The following DOCK3 variants were observed in gnomAD, a reference collection of about 807,000 sequenced individuals.
DOCK3 encodes the protein dedicator of cytokinesis 3.
In DOCK3, 60 loss-of-function variants were observed where a neutral mutation model predicts 265.6. That is an observed-to-expected ratio of 0.23 (90% CI 0.18 to 0.28). The LOEUF (loss-of-function observed/expected upper bound fraction) is 0.28. Among genes scored for constraint, DOCK3 ranks in the 10% least tolerant of loss-of-function variants. DOCK3 has a pLI of 1.00. For synonymous variants in DOCK3, 881 were observed against 938.0 expected (o/e 0.94, Z 1.11); for missense variants, 1,981 against 2,594.3 (o/e 0.76, Z 5.14).
chr3:51,229,429 C>G (rs914851533), intron 18 of DOCK3, 83 bp from the exon 19 acceptor site: 3 of 997,068 alleles, frequency 3.0e-6, no homozygotes, highest in Non-Finnish European at 4.2e-6. Flanking sequence ...CCAGCCTGGG[C>G]AACAGAGTGA....
At chr3:51,038,333 GA>G (rs34883908) in intron 5 of DOCK3, among the ~76,000 whole-genome samples, 1 of 152,012 alleles carries the variant, frequency 6.6e-6, no homozygotes, top group Non-Finnish European at 1.5e-5. Context: ...GATTGGGTGA[GA>G]AAAAAGTAAA....
At chr3:50,962,811 C>T (rs1028217156) in intron 5 of DOCK3, among the ~76,000 whole-genome samples, 1 of 152,148 alleles carries the variant, frequency 6.6e-6, no homozygotes, top group Non-Finnish European at 1.5e-5. Context: ...CCATATGCAG[C>T]GTATGTAAAT....
chr3:51,193,042 T>C (rs2088044748), intron 12 of DOCK3, among the ~76,000 whole-genome samples: 1 of 152,186 alleles, frequency 6.6e-6, no homozygotes, highest in Non-Finnish European at 1.5e-5. Flanking sequence ...AGTGTGATGG[T>C]AGTTATGGGT....
At chr3:51,202,632 A>C (rs1236887099) in intron 12 of DOCK3, among the ~76,000 whole-genome samples, 2 of 152,184 alleles carry the variant, frequency 1.3e-5, no homozygotes, top group African/African-American at 4.8e-5. Flanking sequence ...TATTCCAAAC[A>C]ATAGAAAAAG....
At chr3:51,355,500 A>G (rs1451439622) in intron 41 of DOCK3, among the ~76,000 whole-genome samples, 1 of 152,160 alleles carries the variant, frequency 6.6e-6, no homozygotes, top group Non-Finnish European at 1.5e-5. Context: ...GCAGGAGAAG[A>G]TGAGGAGTTC....
chr3:51,334,189 C>A (rs530627687), intron 35 of DOCK3, among the ~76,000 whole-genome samples: 2 of 152,154 alleles, frequency 1.3e-5, no homozygotes, highest in Non-Finnish European at 2.9e-5. Context: ...TCAGTTGTAT[C>A]ATGGCTTTTG....
At chr3:51,307,850 T>A (rs1042568772) in intron 27 of DOCK3, among the ~76,000 whole-genome samples, 1 of 151,818 alleles carries the variant, frequency 6.6e-6, no homozygotes, top group African/African-American at 2.4e-5. Context: ...CATGGCTGCT[T>A]CATGCAGCTG....
intron 27 of DOCK3, among the ~76,000 whole-genome samples, chr3:51,297,521 T>C (rs1292547918): frequency 1.3e-5 from 2 of 152,080 alleles, no homozygotes; most frequent in African/African-American, 2.4e-5. Flanking sequence ...GGGCAAAAGA[T>C]TTGAATAGAC....
chr3:50,725,737 G>A (rs555969116), intron 1 of DOCK3, among the ~76,000 whole-genome samples: 58 of 152,180 alleles, frequency 3.8e-4, no homozygotes, highest in Non-Finnish European at 7.8e-4. Flanking sequence ...TGTGGACTTT[G>A]TCTCAAATAA....
At chr3:51,201,538 T>C (rs1349862366) in intron 12 of DOCK3, among the ~76,000 whole-genome samples, 4 of 152,170 alleles carry the variant, frequency 2.6e-5, no homozygotes, top group Admixed American at 6.5e-5. Flanking sequence ...CTGAGTGACC[T>C]ACAAAGAGAC....
intron 1 of DOCK3, among the ~76,000 whole-genome samples, chr3:50,698,517 G>GTTTTTTTTTTTTTTTTTTGTTTT (rs2035799262): frequency 1.0e-4 from 2 of 19,506 alleles, no homozygotes; most frequent in African/African-American, 3.0e-4. Context: ...TATGTTTTTG[G>GTTTTTTTTTTTTTTTTTTGTTTT]TTTTTTTTTT....
chr3:50,779,476 C>T (rs955447613), intron 2 of DOCK3, among the ~76,000 whole-genome samples: 14 of 152,078 alleles, frequency 9.2e-5, no homozygotes, highest in Non-Finnish European at 1.5e-4. Flanking sequence ...CTCTGCCTCC[C>T]AGGTTCAAGT....
At chr3:51,252,277 G>C (rs1199334618) in intron 22 of DOCK3, among the ~76,000 whole-genome samples, 1 of 152,236 alleles carries the variant, frequency 6.6e-6, no homozygotes, top group East Asian at 1.9e-4. Context: ...TTGTAGTATA[G>C]TTTGAAGTCA....
chr3:51,321,712 C>G (rs758482225), intron 32 of DOCK3, among the ~76,000 whole-genome samples: 1 of 151,442 alleles, frequency 6.6e-6, no homozygotes, highest in South Asian at 2.1e-4. Context: ...ATTGATCAAG[C>G]GGAAGAAAGA....
At chr3:51,253,572 T>C (rs183998293) in intron 22 of DOCK3, among the ~76,000 whole-genome samples, 1 of 152,334 alleles carries the variant, frequency 6.6e-6, no homozygotes, top group Non-Finnish European at 1.5e-5. Flanking sequence ...GGGATTCAAC[T>C]TCTTCCTGGT....
intron 27 of DOCK3, among the ~76,000 whole-genome samples, chr3:51,305,462 T>C (rs1049672978): frequency 8.5e-5 from 13 of 152,230 alleles, no homozygotes; most frequent in African/African-American, 2.9e-4. Flanking sequence ...ATCTAAAGTG[T>C]GTACCTTGTA....
chr3:50,689,736 C>T (rs545821129), intron 1 of DOCK3, among the ~76,000 whole-genome samples: 7 of 152,308 alleles, frequency 4.6e-5, no homozygotes, highest in South Asian at 4.1e-4. Flanking sequence ...TGACAGGAGG[C>T]GGAGCTCAGG....
chr3:51,121,753 G>T (rs1349702525), intron 9 of DOCK3, among the ~76,000 whole-genome samples: 1 of 152,132 alleles, frequency 6.6e-6, no homozygotes, highest in Non-Finnish European at 1.5e-5. Context: ...TCTAGAGCAT[G>T]TACCAAACCC....
chr3:50,870,484 T>C (rs1267310864), intron 3 of DOCK3, among the ~76,000 whole-genome samples: 1 of 152,196 alleles, frequency 6.6e-6, no homozygotes, highest in Admixed American at 6.5e-5. Context: ...TTTTTATTTT[T>C]AGTCCACATG....
Sources: gnomAD v4.1 joint callset for allele counts (sites outside exome capture counted in the v4.1 genomes callset) on GRCh38, gnomAD v4.1.1 for gene constraint, MANE v1.5 for transcripts, NCBI Gene and HGNC (gene_info 2026-07-23, HGNC 2026-07-21) for gene names.